UBR3: variants seen among roughly 807,000 people sequenced by gnomAD.
UBR3 encodes the protein ubiquitin protein ligase E3 component n-recognin 3, also known as E3 ubiquitin-protein ligase UBR3.
In UBR3, 85 loss-of-function variants were observed where a neutral mutation model predicts 243.2. That is an observed-to-expected ratio of 0.35 (90% CI 0.29 to 0.42). The LOEUF (loss-of-function observed/expected upper bound fraction) is 0.42. UBR3 is among the 10% of genes least tolerant of loss of function. The probability of loss-of-function intolerance (pLI) is 1.00; values close to 1 mark genes in which losing one functional copy is unlikely to be tolerated. For missense variants in UBR3, 1,686 were observed against 2,300.8 expected, an observed-to-expected ratio of 0.73 and a Z score of 5.47; for synonymous variants, 748 against 799.8, an observed-to-expected ratio of 0.94 and a Z score of 1.09.
At chr2:169,884,417 G>T (rs1370665658) in intron 5 of UBR3, among the ~76,000 whole-genome samples, 2 of 152,160 alleles carry the variant, frequency 1.3e-5, no homozygotes, top group Non-Finnish European at 2.9e-5. Context: ...CAAACTGCTG[G>T]GTTTACAGGC....
At chr2:170,041,994 A>G (rs912924720) in intron 32 of UBR3, among the ~76,000 whole-genome samples, 1 of 140,352 alleles carries the variant, frequency 7.1e-6, no homozygotes, top group Admixed American at 6.9e-5. Context: ...AATTTAAAGT[A>G]TACAACTGAA....
At chr2:169,871,839 C>G (rs886304078) in intron 1 of UBR3, among the ~76,000 whole-genome samples, 1 of 151,378 alleles carries the variant, frequency 6.6e-6, no homozygotes, top group African/African-American at 2.4e-5. Context: ...TATCACTTAC[C>G]TATTCATTAA....
At position 170,073,511 on chromosome 2, in the gene UBR3, C is replaced by T. The variant is rs1172962674; in HGVS notation, c.5103C>T (p.Ala1701=). The change falls in exon 36 of 39, where the codon GCC becomes GCT. Residue 1701 remains alanine, a synonymous_variant. Coordinates refer to ENST00000272793, the MANE Select transcript of UBR3 (RefSeq NM_172070.4). Reference sequence around the variant, plus strand: ...AAACAGAACATCCATTCATCAGTGCCTCCTGTCTGGATTGGCCAGTTCCAG... The same window carrying T: ...AAACAGAACATCCATTCATCAGTGCTTCCTGTCTGGATTGGCCAGTTCCAG... ...FYQTEHPFIS[A]SCLDWPVPAF... is the part of the protein sequence containing the mutation. 2 of 1,613,832 alleles carry T rather than the reference C, an allele frequency of 1.2e-6. No individual in the cohort carries two copies. The highest frequency in any genetic ancestry group is 8.5e-7 in the Non-Finnish European group (1 of 1,179,766).
chr2:170,080,033 A>G lies in UBR3; in HGVS notation c.5409+10A>G, dbSNP rs373738004. 71 of 1,600,602 alleles carry G rather than the reference A, an allele frequency of 4.4e-5. No individual in the cohort carries two copies. The African/African-American group carries it at 7.4e-4, about 17-fold the overall frequency. On this transcript the variant is annotated intron_variant, in intron 37 of 38. Coordinates refer to ENST00000272793, the MANE Select transcript of UBR3 (RefSeq NM_172070.4). ...CTGTGAATGTGTACTGGTAAGCAATAGTAGATAATACAAAATTTATGAAAA... is the reference window on the plus strand; with the variant it reads ...CTGTGAATGTGTACTGGTAAGCAATGGTAGATAATACAAAATTTATGAAAA...
chr2:169,856,917 T>G (rs2082894129), intron 1 of UBR3, among the ~76,000 whole-genome samples: 1 of 152,028 alleles, frequency 6.6e-6, no homozygotes, highest in Admixed American at 6.5e-5. Flanking sequence ...TCTTTGCAAA[T>G]ATGATAGGTA....
intron 26 of UBR3, among the ~76,000 whole-genome samples, chr2:169,997,216 C>T (rs557418356): frequency 6.6e-6 from 1 of 152,190 alleles, no homozygotes; most frequent in Non-Finnish European, 1.5e-5. Context: ...GCTGGTGGCA[C>T]CTCTGCCTGG....
chr2:169,845,539 C>CT lies in UBR3; in HGVS notation c.545+17489dup, dbSNP rs1474306572. On this transcript the variant is annotated intron_variant, in intron 1 of 38. Transcript: ENST00000272793. ...TCGTCGTCGTCGTCGTCGTCTTCTT[C>CT]TTCTTCTTCTTCTTTCTTCTTCTTC... Among the ~76,000 whole-genome samples, 437 of 144,890 alleles carry CT rather than the reference C, an allele frequency of 3.0e-3. 2 individuals are homozygous for CT. Among genetic ancestry groups the CT allele is most frequent in the Non-Finnish European group, 5.3e-3 (352 of 66,222 alleles).
At position 170,080,591 on chromosome 2, in the gene UBR3, A is replaced by G. The variant is rs759721677; in HGVS notation, c.5456A>G (p.Asn1819Ser). ...GGAACAGGTATTTTCCTTTTGATCA[A>G]TGCATCGGTAATTATCATCATTCGA... is the stretch of plus-strand genomic sequence containing the variant. ...GAGTGIFLLI[N>S]ASVIIIIRGH... is the part of the protein sequence containing the mutation. The change falls in exon 38 of 39, where the codon AAT becomes AGT. Residue 1819 changes from asparagine to serine, a missense_variant. Around this residue, in one of 8 missense-constraint regions of UBR3, gnomAD observed 89 missense variants for 183.3 expected, o/e 0.49. Coordinates refer to ENST00000272793, the MANE Select transcript of UBR3 (RefSeq NM_172070.4). 10 of 1,613,864 alleles carry G rather than the reference A, an allele frequency of 6.2e-6. No homozygotes were observed. Among genetic ancestry groups the G allele is most frequent in the African/African-American group, 4.0e-5 (3 of 74,914 alleles).
At chr2:169,927,929 C>A (rs907693705) in intron 17 of UBR3, among the ~76,000 whole-genome samples, 3 of 152,150 alleles carry the variant, frequency 2.0e-5, no homozygotes, top group Non-Finnish European at 2.9e-5. Flanking sequence ...CAATGAGAAT[C>A]TGATTATCTT....
chr2:169,846,695 G>T (rs1167859860), intron 1 of UBR3, among the ~76,000 whole-genome samples: 2 of 147,058 alleles, frequency 1.4e-5, no homozygotes, highest in Non-Finnish European at 3.0e-5. Context: ...GGGCAACAGG[G>T]CAAGACTCTG....
chr2:170,027,912 CTT>C (rs1476989734), intron 30 of UBR3, among the ~76,000 whole-genome samples: 1 of 151,832 alleles, frequency 6.6e-6, no homozygotes, highest in Non-Finnish European at 1.5e-5. Flanking sequence ...ATTTGGGAAA[CTT>C]AACTTGCCTC....
intron 1 of UBR3, among the ~76,000 whole-genome samples, chr2:169,844,576 C>T (rs894088851): frequency 4.6e-5 from 7 of 151,260 alleles, no homozygotes; most frequent in East Asian, 2.0e-4. Context: ...TCACTGCAAC[C>T]TCTGCCTCCT....
At chr2:170,050,600 AT>A (rs2091194932) in intron 32 of UBR3, among the ~76,000 whole-genome samples, 2 of 152,034 alleles carry the variant, frequency 1.3e-5, no homozygotes, top group Non-Finnish European at 2.9e-5. Context: ...TTTTGTTGTT[AT>A]TGTAGTTTTT....
chr2:170,006,638 TG>T (rs1197633028), intron 27 of UBR3, among the ~76,000 whole-genome samples: 1 of 152,164 alleles, frequency 6.6e-6, no homozygotes, highest in African/African-American at 2.4e-5. Flanking sequence ...AACAGGGGTA[TG>T]GGGTAAGAGG....
At chr2:170,066,555 C>A (rs549731723) in intron 35 of UBR3, among the ~76,000 whole-genome samples, 8 of 152,166 alleles carry the variant, frequency 5.3e-5, no homozygotes, top group Non-Finnish European at 1.0e-4. Flanking sequence ...AATATATCTC[C>A]TTTTTTTCTT....
chr2:169,874,344 A>T (rs1416751798), intron 2 of UBR3, among the ~76,000 whole-genome samples: 3 of 151,864 alleles, frequency 2.0e-5, no homozygotes, highest in African/African-American at 7.3e-5. Flanking sequence ...AATTTTTTGT[A>T]TTTTTAGTAG....
Position 169,949,548 on chromosome 2 carries a change from A to T in UBR3, c.3085-57A>T, listed in dbSNP as rs187269605. On this transcript the variant is annotated intron_variant, in intron 22 of 38. Transcript: ENST00000272793. Reference sequence around the variant, plus strand: ...GAAAATATAGTACTAATATGTTTTTAAAATGATGCTAAATAACTTCTCTTG... The same window carrying T: ...GAAAATATAGTACTAATATGTTTTTTAAATGATGCTAAATAACTTCTCTTG... 425 of 1,407,848 alleles carry T rather than the reference A, an allele frequency of 3.0e-4. 1 individual carries two copies. In the Middle Eastern group the frequency reaches 3.9e-3, roughly 13 times the overall value. The allele number at this position is 1,407,848 out of a possible 1,614,324, so 87.2% of individuals were successfully genotyped here.
chr2:170,077,429 AG>A, intron 36 of UBR3: 1 of 1,488,856 alleles, frequency 6.7e-7, no homozygotes, highest in Non-Finnish European at 9.0e-7. Context: ...GTTAGGCAAA[AG>A]GTGGCTTTCA....
At chr2:169,919,254 AG>A (rs1481923210) in intron 11 of UBR3, among the ~76,000 whole-genome samples, 25 of 152,224 alleles carry the variant, frequency 1.6e-4, no homozygotes, top group African/African-American at 5.5e-4. Flanking sequence ...AGTCATTAAA[AG>A]ATTGTGAGTG....
Sources: gnomAD v4.1 joint callset for allele counts (sites outside exome capture counted in the v4.1 genomes callset) on GRCh38, gnomAD v4.1.1 for gene constraint, gnomAD v4.1.1 regional missense constraint, MANE v1.5 for transcripts, NCBI Gene and HGNC (gene_info 2026-07-23, HGNC 2026-07-21) for gene names.